The following CHST13 variants were observed in gnomAD, a reference collection of about 807,000 sequenced individuals.
The protein encoded by CHST13 is carbohydrate sulfotransferase 13, also known as C4ST-3.
In CHST13, 1 loss-of-function variant was observed where a neutral mutation model predicts 7.0. The ratio of observed to expected loss-of-function variants is 0.14; its 90% confidence interval spans 0.05 to 0.68. CHST13 has a LOEUF of 0.68. CHST13 is among the 30% of genes least tolerant of loss of function. The probability of loss-of-function intolerance (pLI) is 0.82; values close to 1 mark genes in which losing one functional copy is unlikely to be tolerated. For missense variants in CHST13, 572 were observed against 507.9 expected (o/e 1.13, Z -1.21); for synonymous variants, 257 against 240.9 (o/e 1.07, Z -0.62).
In CHST13 at chr3:126,542,299, C is replaced by T; in HGVS notation, c.747C>T (p.Arg249=). The T allele has an allele frequency of 1.3e-6, 2 of 1,565,924 alleles. No homozygotes were observed. Among genetic ancestry groups the T allele is most frequent in the Non-Finnish European group, 1.7e-6 (2 of 1,160,588 alleles). ...AGCCCTTCAACGAGCACTGGGAGCGCGCGCACGCGCTCTGCCACCCGTGTC... is the reference window on the plus strand; with the variant it reads ...AGCCCTTCAACGAGCACTGGGAGCGTGCGCACGCGCTCTGCCACCCGTGTC... ...REEPFNEHWE[R]AHALCHPCRL... The change falls in exon 3 of 3, where the codon CGC becomes CGT. Residue 249 remains arginine (R), a synonymous_variant. Transcript: ENST00000319340.
At position 126,542,422 on chromosome 3, in the gene CHST13, G is replaced by C; in HGVS notation, c.870G>C (p.Gly290=). ...GCGCATCCGACCTGAGCTTCCCTGGGCCGCCGCGGCCCCGGGGAGCCGCCG... is the reference window on the plus strand; with the variant it reads ...GCGCATCCGACCTGAGCTTCCCTGGCCCGCCGCGGCCCCGGGGAGCCGCCG... The part of the protein sequence containing the change: ...LAGASDLSFP[G]PPRPRGAAAS... The change falls in exon 3 of 3, where the codon GGG becomes GGC. Residue 290 remains glycine, a synonymous_variant. Coordinates refer to ENST00000319340, the MANE Select transcript of CHST13 (RefSeq NM_152889.3). The C allele has an allele frequency of 6.4e-7, 1 of 1,551,790 alleles. No individual in the cohort carries two copies.
At position 126,542,361 on chromosome 3, in the gene CHST13, T is replaced by C; in HGVS notation, c.809T>C (p.Leu270Pro). ...RYDVVGKFETLAEDAAFVLGL... is the reference protein window; with the variant it reads ...RYDVVGKFETPAEDAAFVLGL... ...GACGTCGTGGGCAAGTTCGAGACGC[T>C]GGCGGAGGACGCGGCCTTCGTGCTG... Residue 270 changes from leucine to proline, a missense_variant, in exon 3 of 3, where the codon CTG becomes CCG. By Grantham distance (98) the Leu-to-Pro change is moderately conservative. Coordinates refer to ENST00000319340, the MANE Select transcript of CHST13 (RefSeq NM_152889.3). 6.4e-7 allele frequency: 1 copy of C among 1,564,342 alleles called. No homozygotes were observed. Among genetic ancestry groups the C allele is most frequent in the Non-Finnish European group, 8.6e-7 (1 of 1,156,832 alleles).
intron 1 of CHST13, among the ~76,000 whole-genome samples, chr3:126,529,870 G>T (rs1936615250): frequency 6.6e-6 from 1 of 152,224 alleles, no homozygotes; most frequent in Non-Finnish European, 1.5e-5. Flanking sequence ...CTCTGGGATG[G>T]GCCCTCCTGG....
chr3:126,533,353 A>G (rs1936697498), intron 1 of CHST13, among the ~76,000 whole-genome samples: 1 of 152,114 alleles, frequency 6.6e-6, no homozygotes, highest in African/African-American at 2.4e-5. Context: ...AAGTTATCTG[A>G]GGGTTTTTCG....
At chr3:126,533,126 TG>T (rs1459156622) in intron 1 of CHST13, among the ~76,000 whole-genome samples, 2 of 152,208 alleles carry the variant, frequency 1.3e-5, no homozygotes. Flanking sequence ...TCTTACAGTT[TG>T]TGAATTCTTT....
chr3:126,530,782 C>T (rs1340345553), intron 1 of CHST13, among the ~76,000 whole-genome samples: 2 of 152,270 alleles, frequency 1.3e-5, no homozygotes, highest in African/African-American at 4.8e-5. Context: ...ATCTCTGACT[C>T]TGTCTGGAGA....
At chr3:126,538,890 A>C (rs1330282817) in intron 2 of CHST13, among the ~76,000 whole-genome samples, 1 of 152,162 alleles carries the variant, frequency 6.6e-6, no homozygotes, top group African/African-American at 2.4e-5. Flanking sequence ...ATGTAAGCAC[A>C]TGACATGGCA....
At chr3:126,535,418 C>T (rs867923954) in intron 1 of CHST13, among the ~76,000 whole-genome samples, 57 of 148,188 alleles carry the variant, frequency 3.8e-4, no homozygotes, top group African/African-American at 1.1e-3. Context: ...TGTCCTCAAC[C>T]GGGAGACAGA....
chr3:126,542,623 AC>A lies in CHST13; in HGVS notation c.*46del, dbSNP rs751908356. ...GCCACGCGGGGCAAGTGCCTTTCCG[AC>A]AAGACCCCCGGGGAATGCAGGTGCT... On this transcript the variant is annotated 3_prime_UTR_variant, in exon 3 of 3. Coordinates refer to ENST00000319340, the MANE Select transcript of CHST13 (RefSeq NM_152889.3). The A allele has an allele frequency of 5.7e-5, 81 of 1,427,546 alleles. No individual in the cohort carries two copies. Among genetic ancestry groups the A allele is most frequent in the Non-Finnish European group, 7.3e-6 (8 of 1,090,982 alleles). 88.4% of individuals were successfully genotyped at this position (1,427,546 alleles called of 1,614,324 possible).
Position 126,542,681 on chromosome 3 carries a change from T to A in CHST13, c.*103T>A. On this transcript the variant is annotated 3_prime_UTR_variant, in exon 3 of 3. Coordinates refer to ENST00000319340, the MANE Select transcript of CHST13 (RefSeq NM_152889.3). ...CCCAGGACCCCTCTTCAAGAGCCACTGCGTGCACTCACCTGGCCGCCGGGC... is the reference window on the plus strand; with the variant it reads ...CCCAGGACCCCTCTTCAAGAGCCACAGCGTGCACTCACCTGGCCGCCGGGC... The A allele has an allele frequency of 1.5e-6, 2 of 1,360,238 alleles. No individual in the cohort carries two copies. The highest frequency in any genetic ancestry group is 1.9e-6 in the Non-Finnish European group (2 of 1,055,480). 84.3% of individuals were successfully genotyped at this position (1,360,238 alleles called of 1,614,324 possible).
chr3:126,524,578 G>A (rs944702565), intron 1 of CHST13, 149 bp downstream of exon 1: 4 of 359,348 alleles, frequency 1.1e-5, no homozygotes, highest in Middle Eastern at 1.4e-3. Context: ...CGCTGGTGAG[G>A]CACAGAAAGG....
At chr3:126,531,933 G>A (rs1936668354) in intron 1 of CHST13, among the ~76,000 whole-genome samples, 1 of 152,212 alleles carries the variant, frequency 6.6e-6, no homozygotes, top group African/African-American at 2.4e-5. Context: ...AGCAATATAT[G>A]AGGGCTCCAA....
At chr3:126,535,768 C>G (rs1451256958) in intron 1 of CHST13, among the ~76,000 whole-genome samples, 1 of 152,290 alleles carries the variant, frequency 6.6e-6, no homozygotes, top group Non-Finnish European at 1.5e-5. Context: ...CAGGCATCCA[C>G]AGTGGGTCAC....
At chr3:126,535,124 GAGAC>G (rs1231255537) in intron 1 of CHST13, among the ~76,000 whole-genome samples, 6 of 125,704 alleles carry the variant, frequency 4.8e-5, no homozygotes, top group Admixed American at 1.7e-4. Context: ...TCCTCAGCTG[GAGAC>G]AGACAGACAG....
At chr3:126,541,166 G>A (rs947568488) in intron 2 of CHST13, among the ~76,000 whole-genome samples, 4 of 152,202 alleles carry the variant, frequency 2.6e-5, no homozygotes, top group Non-Finnish European at 5.9e-5. Flanking sequence ...CTTCTCATAG[G>A]AGGGACAGGC....
chr3:126,528,765 C>A (rs548422351), intron 1 of CHST13, among the ~76,000 whole-genome samples: 1 of 152,274 alleles, frequency 6.6e-6, no homozygotes, highest in African/African-American at 2.4e-5. Flanking sequence ...GAACTAAATA[C>A]ACGTGGAGAG....
chr3:126,540,353 T>TCTGTC (rs1269122713), intron 2 of CHST13, among the ~76,000 whole-genome samples: 1 of 152,170 alleles, frequency 6.6e-6, no homozygotes, highest in Admixed American at 6.5e-5. Context: ...CAGCCCAGTG[T>TCTGTC]CAGTCCATCA....
Position 126,542,300 on chromosome 3 carries a change from G to T in CHST13, c.748G>T (p.Ala250Ser), listed in dbSNP as rs765728786. 88 of 1,566,502 alleles carry T rather than the reference G, an allele frequency of 5.6e-5. 1 individual carries two copies. In the Middle Eastern group the frequency reaches 1.0e-3, roughly 18 times the overall value. ...GCCCTTCAACGAGCACTGGGAGCGC[G>T]CGCACGCGCTCTGCCACCCGTGTCG... Reference protein sequence around the residue: ...EEPFNEHWERAHALCHPCRLR... With the variant: ...EEPFNEHWERSHALCHPCRLR... The change falls in exon 3 of 3, where the codon GCG (alanine) becomes TCG (serine). Residue 250 changes from alanine (A) to serine (S), a missense_variant. Ala to Ser is a moderately conservative substitution (Grantham distance 99). Transcript: ENST00000319340.
chr3:126,536,216 G>C, intron 1 of CHST13, 55 bp from the exon 2 acceptor site: 1 of 1,519,956 alleles, frequency 6.6e-7, no homozygotes. Flanking sequence ...CAAACCCCCA[G>C]GTCCATGCAA....
Sources: gnomAD v4.1 joint callset for allele counts (sites outside exome capture counted in the v4.1 genomes callset) on GRCh38, gnomAD v4.1.1 for gene constraint, MANE v1.5 for transcripts, NCBI Gene and HGNC (gene_info 2026-07-23, HGNC 2026-07-21) for gene names.